The following ACYP2 variants were observed in gnomAD, a reference collection of about 807,000 sequenced individuals.
ACYP2 encodes the protein acylphosphatase 2, also known as acylphosphatase-2.
In ACYP2, 12 loss-of-function variants were observed where a neutral mutation model predicts 11.2. The observed-to-expected ratio is 1.08, with a 90% CI of 0.69 to 1.74. The LOEUF is 1.74. Among genes scored for constraint, ACYP2 ranks in the 40% most tolerant of loss-of-function variants. ACYP2 has a pLI of 0.00. For synonymous variants in ACYP2, 43 were observed against 32.2 expected, an observed-to-expected ratio of 1.33 and a Z score of -1.13; for missense variants, 134 against 101.9, an observed-to-expected ratio of 1.31 and a Z score of -1.35.
chr2:54,114,604 A>C (rs1679645284), intron 4 of ACYP2, among the ~76,000 whole-genome samples: 1 of 152,142 alleles, frequency 6.6e-6, no homozygotes, highest in Non-Finnish European at 1.5e-5. Flanking sequence ...CAATTTCTTG[A>C]ACCTGGGAGG....
intron 2 of ACYP2, among the ~76,000 whole-genome samples, chr2:54,001,215 G>A (rs540272177): frequency 5.3e-5 from 8 of 152,044 alleles, no homozygotes; most frequent in Non-Finnish European, 1.0e-4. Context: ...AATTAGCTGG[G>A]CATGGTGGCA....
chr2:54,051,980 G>A (rs1675888266), intron 3 of ACYP2, among the ~76,000 whole-genome samples: 1 of 152,068 alleles, frequency 6.6e-6, no homozygotes, highest in African/African-American at 2.4e-5. Context: ...CCAGGAGGCA[G>A]AGGTTGCAAT....
chr2:54,022,936 C>G (rs1232999595), intron 2 of ACYP2, among the ~76,000 whole-genome samples: 4 of 152,146 alleles, frequency 2.6e-5, no homozygotes, highest in Admixed American at 6.5e-5. Flanking sequence ...CTTCATCAAA[C>G]CTAGTGTTAA....
rs141063292 is a variant in ACYP2, at chr2:54,253,688, C to A, written c.405-51000C>A. ...CTGCCTTTTTGTTCAGTTTTCCCTG[C>A]CTAGAGCACCCATCACAATCTCTTT... On this transcript the variant is annotated intron_variant, in intron 6 of 6. Transcript: ENST00000607452. 19 of 152,254 alleles carry A rather than the reference C, an allele frequency of 1.2e-4. No homozygotes were observed. The East Asian group carries it at 3.7e-3, about 29-fold the overall frequency. The allele number at this position is 152,254 out of a possible 1,614,324, so 9.4% of individuals were successfully genotyped here.
At chr2:54,158,307 G>C (rs764367788) in intron 6 of ACYP2, among the ~76,000 whole-genome samples, 43 of 150,928 alleles carry the variant, frequency 2.8e-4, no homozygotes, top group Non-Finnish European at 5.5e-4. Flanking sequence ...CTTCCAAAGT[G>C]CTGGGATTAA....
At chr2:54,122,401 G>C (rs771475036) in intron 4 of ACYP2, among the ~76,000 whole-genome samples, 1 of 152,208 alleles carries the variant, frequency 6.6e-6, no homozygotes, top group Non-Finnish European at 1.5e-5. Context: ...TCGTGCTGGA[G>C]TCTTTTATCA....
At chr2:54,202,007 C>T (rs991797299) in intron 6 of ACYP2, among the ~76,000 whole-genome samples, 6 of 134,204 alleles carry the variant, frequency 4.5e-5, no homozygotes, top group African/African-American at 1.7e-4. Flanking sequence ...TGTGCCTGGC[C>T]CACTTATTTT....
intron 6 of ACYP2, among the ~76,000 whole-genome samples, chr2:54,252,350 TTC>T (rs1687266446): frequency 6.6e-6 from 1 of 152,160 alleles, no homozygotes; most frequent in Admixed American, 6.5e-5. Context: ...GCTATTAAAA[TTC>T]TGTTGTTAGA....
At chr2:54,255,673 GC>G in intron 6 of ACYP2, 1 of 1,613,760 alleles carries the variant, frequency 6.2e-7, no homozygotes, top group Non-Finnish European at 8.5e-7. Flanking sequence ...ATCCACTGGG[GC>G]TGAGAACATG....
intron 2 of ACYP2, among the ~76,000 whole-genome samples, chr2:54,049,725 C>T (rs1332176006): frequency 6.6e-6 from 1 of 152,126 alleles, no homozygotes. Flanking sequence ...AAAAGAGTAT[C>T]TCCTCATCTC....
intron 6 of ACYP2, among the ~76,000 whole-genome samples, chr2:54,266,706 C>T (rs1314171393): frequency 2.7e-5 from 4 of 147,010 alleles, no homozygotes; most frequent in East Asian, 4.1e-4. Flanking sequence ...TCCGGGTTCA[C>T]GCCATTCTCC....
chr2:54,265,159 A>G (rs1181286498), intron 6 of ACYP2, among the ~76,000 whole-genome samples: 3 of 152,176 alleles, frequency 2.0e-5, no homozygotes, highest in African/African-American at 7.2e-5. Flanking sequence ...ACTGCTGATA[A>G]AGACATAGCT....
chr2:54,116,878 G>A (rs137941313), intron 4 of ACYP2, among the ~76,000 whole-genome samples: 2,023 of 152,234 alleles, frequency 0.013, 52 homozygotes, highest in Admixed American at 0.069. Flanking sequence ...AAGAGCAGGC[G>A]TACGAGCTCA....
rs1021565468 is a variant in ACYP2 at position 54,110,495 on chromosome 2, T to C, written c.278-24958T>C. Reference sequence around the variant, plus strand: ...CAAATCAGGATCCAAACAAGGTATATGTATTGAATTCTGTTGATTTGAAAA... The same window carrying C: ...CAAATCAGGATCCAAACAAGGTATACGTATTGAATTCTGTTGATTTGAAAA... On this transcript the variant is annotated intron_variant, in intron 4 of 6. Coordinates refer to ENST00000607452, the MANE Select transcript of ACYP2 (RefSeq NM_001320586.2). 1.2e-4 allele frequency among the ~76,000 whole-genome samples: 18 copies of C among 152,178 alleles called. 2 individuals are homozygous for C. The highest frequency in any genetic ancestry group is 8.5e-4 in the Admixed American group (13 of 15,274).
intron 6 of ACYP2, among the ~76,000 whole-genome samples, chr2:54,187,174 G>A (rs369546749): frequency 6.6e-6 from 1 of 152,194 alleles, no homozygotes; most frequent in South Asian, 2.1e-4. Flanking sequence ...GGGGCAGGTA[G>A]CTTCCCCCTT....
At chr2:53,977,978 C>A (rs749460909) in intron 2 of ACYP2, among the ~76,000 whole-genome samples, 1 of 151,930 alleles carries the variant, frequency 6.6e-6, no homozygotes, top group Admixed American at 6.6e-5. Flanking sequence ...AAATAAACTT[C>A]TGGCTGGGCA....
chr2:54,165,169 A>T (rs933028931), intron 6 of ACYP2, among the ~76,000 whole-genome samples: 4 of 151,982 alleles, frequency 2.6e-5, no homozygotes, highest in African/African-American at 9.7e-5. Context: ...AAACAGCCTT[A>T]TTTTCTAACT....
At chr2:54,097,786 G>T (rs973553902) in intron 4 of ACYP2, among the ~76,000 whole-genome samples, 10 of 151,556 alleles carry the variant, frequency 6.6e-5, no homozygotes, top group Non-Finnish European at 1.3e-4. Flanking sequence ...AACTGCAAAA[G>T]ATATTTTTAA....
intron 2 of ACYP2, among the ~76,000 whole-genome samples, chr2:53,993,360 A>T (rs993146735): frequency 1.3e-5 from 2 of 152,046 alleles, no homozygotes. Flanking sequence ...GGACACTCCC[A>T]CTGTTGAAAC....
Sources: gnomAD v4.1 joint callset for allele counts (sites outside exome capture counted in the v4.1 genomes callset) on GRCh38, gnomAD v4.1.1 for gene constraint, MANE v1.5 for transcripts, NCBI Gene and HGNC (gene_info 2026-07-23, HGNC 2026-07-21) for gene names.